Variants in SNTB2 observed in about 807,000 individuals in gnomAD.
The protein encoded by SNTB2 is syntrophin beta 2, also known as beta-2-syntrophin.
A neutral mutation model predicts 46.2 loss-of-function variants in SNTB2; 34 were observed. The observed-to-expected ratio is 0.74, with a 90% CI of 0.56 to 0.98. The LOEUF (loss-of-function observed/expected upper bound fraction) is 0.98. SNTB2 is among the 50% of genes least tolerant of loss of function. The probability of loss-of-function intolerance (pLI) is 0.00; values close to 1 mark genes in which losing one functional copy is unlikely to be tolerated. For missense variants in SNTB2, 603 were observed against 731.4 expected (o/e 0.82, Z 2.02); for synonymous variants, 290 against 312.6 (o/e 0.93, Z 0.76).
chr16:69,278,886 AAG>A (rs905939660), intron 4 of SNTB2, among the ~76,000 whole-genome samples: 8 of 110,982 alleles, frequency 7.2e-5, no homozygotes, highest in Non-Finnish European at 1.3e-4. Context: ...CAGAGGTGGG[AAG>A]AGTGTGTGTG....
chr16:69,251,362 A>C, intron 2 of SNTB2, among the ~76,000 whole-genome samples: 1 of 149,088 alleles, frequency 6.7e-6, no homozygotes, highest in Non-Finnish European at 1.5e-5. Flanking sequence ...TATTTTTGTA[A>C]TGTCCTATTT....
At position 69,292,400 on chromosome 16, in the gene SNTB2, ATATATATTATATATATATT is replaced by A. The variant is rs1409746662; in HGVS notation, c.1346-7189_1346-7171del. Among the ~76,000 whole-genome samples the A allele has an allele frequency of 1.6e-3, 39 of 24,486 alleles. 5 individuals carry two copies. The highest frequency in any genetic ancestry group is 2.1e-3 in the Non-Finnish European group (34 of 15,864). 16.1% of individuals were successfully genotyped at this position (24,486 alleles called of 152,430 possible). A position where few individuals can be genotyped will look rare whatever the true frequency, so the allele number is the denominator to read the frequency against. On this transcript the variant is annotated intron_variant, in intron 5 of 6. Transcript: ENST00000336278. The stretch of plus-strand genomic sequence containing the variant: ...TATATTATATATATATTATATATAT[ATATATATTATATATATATT>A]ATATATATATATATATTATATATAT...
At chr16:69,210,723 C>T (rs1417760792) in intron 1 of SNTB2, among the ~76,000 whole-genome samples, 1 of 151,992 alleles carries the variant, frequency 6.6e-6, no homozygotes, top group East Asian at 1.9e-4. Context: ...CCGGGTACAG[C>T]GGGTCACGCC....
intron 5 of SNTB2, among the ~76,000 whole-genome samples, chr16:69,292,650 A>C (rs1597203920): frequency 7.2e-6 from 1 of 138,958 alleles, no homozygotes; most frequent in East Asian, 2.1e-4. Flanking sequence ...GCGGGGTTTC[A>C]CCCTGTTGGC....
At chr16:69,219,688 G>A (rs371702938) in intron 1 of SNTB2, among the ~76,000 whole-genome samples, 5 of 152,076 alleles carry the variant, frequency 3.3e-5, no homozygotes, top group East Asian at 3.9e-4. Flanking sequence ...TAGTTTGTAC[G>A]CAATAGTCAT....
At chr16:69,282,449 T>A (rs1056450822) in intron 4 of SNTB2, among the ~76,000 whole-genome samples, 9 of 152,168 alleles carry the variant, frequency 5.9e-5, no homozygotes, top group Admixed American at 3.9e-4. Context: ...GATCAATTTG[T>A]TTGTTCTTTT....
At chr16:69,230,773 C>CT (rs1344646648) in intron 1 of SNTB2, among the ~76,000 whole-genome samples, 1 of 142,766 alleles carries the variant, frequency 7.0e-6, no homozygotes, top group Non-Finnish European at 1.5e-5. Flanking sequence ...GAGACAGAGT[C>CT]TTGCTCTGTG....
intron 4 of SNTB2, among the ~76,000 whole-genome samples, chr16:69,280,251 CT>C (rs1965027141): frequency 1.3e-5 from 2 of 152,208 alleles, no homozygotes; most frequent in African/African-American, 4.8e-5. Flanking sequence ...AAAGTCTCCC[CT>C]GTCTACCTCT....
At chr16:69,198,954 T>C (rs1223084245) in intron 1 of SNTB2, among the ~76,000 whole-genome samples, 1 of 148,658 alleles carries the variant, frequency 6.7e-6, no homozygotes, top group African/African-American at 2.5e-5. Flanking sequence ...TGGAGTGCAA[T>C]GGCACGATCT....
chr16:69,293,533 G>A (rs1965194422), intron 5 of SNTB2, among the ~76,000 whole-genome samples: 1 of 152,182 alleles, frequency 6.6e-6, no homozygotes, highest in Admixed American at 6.5e-5. Context: ...GAGGTCTGAG[G>A]AGTGGACGTG....
At chr16:69,188,509 T>G (rs1964017651) in intron 1 of SNTB2, among the ~76,000 whole-genome samples, 1 of 152,226 alleles carries the variant, frequency 6.6e-6, no homozygotes, top group Non-Finnish European at 1.5e-5. Flanking sequence ...TTCTTTACGT[T>G]AAGTTATATG....
chr16:69,254,927 A>G (rs891299400), intron 2 of SNTB2, among the ~76,000 whole-genome samples: 3 of 152,024 alleles, frequency 2.0e-5, no homozygotes, highest in South Asian at 4.1e-4. Context: ...CAAGGCTGCA[A>G]TGGGCTCTTA....
intron 5 of SNTB2, among the ~76,000 whole-genome samples, chr16:69,291,234 C>T (rs1166117829): frequency 6.6e-6 from 1 of 152,154 alleles, no homozygotes; most frequent in Non-Finnish European, 1.5e-5. Context: ...CTACTCCCTT[C>T]TGAGGTGCTC....
Position 69,247,490 on chromosome 16 carries a change from C to G in SNTB2, c.794+1675C>G, listed in dbSNP as rs569420705. On this transcript the variant is annotated intron_variant, in intron 2 of 6. Transcript: ENST00000336278. ...CTTAATGCACAGCCAGGTCCCTGAT[C>G]AGGATGGAATGGAGCACAGAAGACA... 3.1e-4 allele frequency among the ~76,000 whole-genome samples: 47 copies of G among 152,226 alleles called. No homozygotes were observed. The South Asian group carries it at 6.2e-3, about 20-fold the overall frequency.
intron 1 of SNTB2, among the ~76,000 whole-genome samples, chr16:69,211,617 GGTTT>G (rs1362978307): frequency 6.6e-6 from 1 of 151,902 alleles, no homozygotes; most frequent in African/African-American, 2.4e-5. Flanking sequence ...GTTGTTAATT[GGTTT>G]GTTTGTTTTA....
intron 1 of SNTB2, chr16:69,230,853 T>C (rs1964499925): frequency 6.6e-6 from 1 of 151,666 alleles, no homozygotes; most frequent in Admixed American, 6.6e-5. Context: ...CACGCCATTC[T>C]CCTCCCTCAG....
intron 1 of SNTB2, among the ~76,000 whole-genome samples, chr16:69,234,119 C>A (rs1198315233): frequency 2.0e-5 from 3 of 152,158 alleles, no homozygotes; most frequent in Non-Finnish European, 4.4e-5. Context: ...TTGCTTGAGC[C>A]TAGGAGTTCA....
At chr16:69,212,125 C>T (rs891627392) in intron 1 of SNTB2, among the ~76,000 whole-genome samples, 1 of 152,166 alleles carries the variant, frequency 6.6e-6, no homozygotes, top group African/African-American at 2.4e-5. Context: ...TAGCTACTTT[C>T]ATTTGTCTGA....
chr16:69,228,792 CATT>C (rs1319325630), intron 1 of SNTB2, among the ~76,000 whole-genome samples: 1 of 152,086 alleles, frequency 6.6e-6, no homozygotes, highest in Non-Finnish European at 1.5e-5. Flanking sequence ...ACCTTTCACA[CATT>C]ATGTCATTTA....
Sources: allele counts gnomAD v4.1 joint callset (sites outside exome capture counted in the v4.1 genomes callset), GRCh38; gene constraint gnomAD v4.1.1; transcripts MANE v1.5; gene names NCBI Gene and HGNC (gene_info 2026-07-23, HGNC 2026-07-21).